The following PACC1 variants were observed in gnomAD, a reference collection of about 807,000 sequenced individuals.
The protein encoded by PACC1 is proton-activated chloride channel.
In PACC1, 34 loss-of-function variants were observed where a neutral mutation model predicts 39.7. That is an observed-to-expected ratio of 0.86 (90% CI 0.65 to 1.14). The LOEUF (loss-of-function observed/expected upper bound fraction) is 1.14. Among genes scored for constraint, PACC1 ranks in the 50% most tolerant of loss-of-function variants. PACC1 has a pLI of 0.00. For synonymous variants in PACC1, 127 were observed against 160.6 expected (o/e 0.79, Z 1.58); for missense variants, 379 against 436.4 (o/e 0.87, Z 1.17).
In PACC1 at chr1:212,387,077, TG is replaced by T; in HGVS notation, c.156del (p.Ser53AlafsTer10). ...ILPGLDSESA[S>X]SSIRFSKACL... Reference sequence around the variant, plus strand: ...CAGGCCTTGCTGAAGCGGATGCTGCTGGAGGCGGACTCGCTGTCCAGGCCTG... The same window carrying T: ...CAGGCCTTGCTGAAGCGGATGCTGCTGAGGCGGACTCGCTGTCCAGGCCTG... On this transcript the variant is annotated frameshift_variant, in exon 3 of 8. Coordinates refer to ENST00000261455, the MANE Select transcript of PACC1 (RefSeq NM_018252.3). LOFTEE classifies it high-confidence loss of function. 6.2e-7 allele frequency: 1 copy of T among 1,614,100 alleles called. No homozygotes were observed. The highest frequency in any genetic ancestry group is 8.5e-7 in the Non-Finnish European group (1 of 1,180,034).
intron 2 of PACC1, among the ~76,000 whole-genome samples, chr1:212,396,678 A>C (rs1175210462): frequency 6.6e-6 from 1 of 151,086 alleles, no homozygotes. Context: ...CAAGAAGCTC[A>C]ATAAACGCCA....
At chr1:212,391,094 T>G (rs1398184764) in intron 2 of PACC1, among the ~76,000 whole-genome samples, 2 of 152,216 alleles carry the variant, frequency 1.3e-5, no homozygotes, top group African/African-American at 2.4e-5. Context: ...AAGAGAGTAG[T>G]GGTTCTCCTA....
chr1:212,364,271 C>T lies in PACC1; in HGVS notation c.*944G>A, dbSNP rs978824855. The T allele has an allele frequency of 2.0e-5, 3 of 152,094 alleles. No individual in the cohort carries two copies. The highest frequency in any genetic ancestry group is 4.8e-5 in the African/African-American group (2 of 41,396). 9.4% of individuals were successfully genotyped at this position (152,094 alleles called of 1,614,324 possible). On this transcript the variant is annotated 3_prime_UTR_variant, in exon 8 of 8. Transcript: ENST00000261455. ...CAGTAAAGAGTTAACCCAGCTTCCTCGGGGACACCAGGTCACTCTTTCTGG... is the reference window on the plus strand; with the variant it reads ...CAGTAAAGAGTTAACCCAGCTTCCTTGGGGACACCAGGTCACTCTTTCTGG...
chr1:212,384,406 G>A (rs1661021187), intron 4 of PACC1, among the ~76,000 whole-genome samples: 1 of 152,124 alleles, frequency 6.6e-6, no homozygotes, highest in Admixed American at 6.5e-5. Context: ...TTTCTCATCT[G>A]GCCATTACTC....
At chr1:212,395,420 G>T (rs1473893343) in intron 2 of PACC1, among the ~76,000 whole-genome samples, 1 of 152,028 alleles carries the variant, frequency 6.6e-6, no homozygotes, top group East Asian at 1.9e-4. Flanking sequence ...TCCTTACACT[G>T]TATACAAAAA....
At chr1:212,408,362 T>C (rs375275643) in intron 2 of PACC1, among the ~76,000 whole-genome samples, 278 of 149,302 alleles carry the variant, frequency 1.9e-3, no homozygotes, top group Middle Eastern at 6.8e-3. Flanking sequence ...TTTTACTTTA[T>C]TTTATTTTTT....
Position 212,365,194 on chromosome 1 carries a change from T to C in PACC1, c.*21A>G. 3 of 1,610,462 alleles carry C rather than the reference T, an allele frequency of 1.9e-6. No homozygotes were observed. The highest frequency in any genetic ancestry group is 2.2e-5 in the South Asian group (2 of 90,770). ...CAGCTCCCATTGATGTGGACAGTTC[T>C]CTAAACAACGCGAGGTGACTTCAGC... On this transcript the variant is annotated 3_prime_UTR_variant, in exon 8 of 8. Coordinates refer to ENST00000261455, the MANE Select transcript of PACC1 (RefSeq NM_018252.3).
intron 2 of PACC1, among the ~76,000 whole-genome samples, chr1:212,395,191 A>T (rs1299084864): frequency 6.6e-6 from 1 of 152,216 alleles, no homozygotes; most frequent in Non-Finnish European, 1.5e-5. Flanking sequence ...AAACTATACT[A>T]CAAAGCAACA....
rs1661129090 is a variant in PACC1 at position 212,387,070 on chromosome 1, A to C, written c.164T>G (p.Ile55Ser). ...GLDSESASSS[I>S]RFSKACLKNV... ...CTTCAGGCAGGCCTTGCTGAAGCGG[A>C]TGCTGCTGGAGGCGGACTCGCTGTC... Residue 55 changes from isoleucine to serine, a missense_variant, in exon 3 of 8, where the codon ATC (isoleucine) becomes AGC (serine). Coordinates refer to ENST00000261455, the MANE Select transcript of PACC1 (RefSeq NM_018252.3). 1 of 1,614,034 alleles carries C rather than the reference A, an allele frequency of 6.2e-7. No homozygotes were observed.
chr1:212,371,606 A>T (rs1404395986), intron 7 of PACC1, among the ~76,000 whole-genome samples: 1 of 151,478 alleles, frequency 6.6e-6, no homozygotes, highest in African/African-American at 2.4e-5. Context: ...ATCTAACATT[A>T]AAAAAAAATT....
intron 1 of PACC1, among the ~76,000 whole-genome samples, chr1:212,412,089 C>T (rs1354668700): frequency 6.6e-6 from 1 of 151,396 alleles, no homozygotes; most frequent in Non-Finnish European, 1.5e-5. Context: ...TGTAGTGAGC[C>T]GAGATCGCAC....
rs1018293343 is a variant in PACC1, at chr1:212,382,932, C to A, written c.495+2342G>T. On this transcript the variant is annotated intron_variant, in intron 4 of 7. Coordinates refer to ENST00000261455, the MANE Select transcript of PACC1 (RefSeq NM_018252.3). ...AGGAGCTTACTTCATGCCAAGAAGG[C>A]GTCTCACCGGTCCCACCCTGCAGGG... is the stretch of plus-strand genomic sequence containing the variant. 2.6e-5 allele frequency among the ~76,000 whole-genome samples: 4 copies of A among 152,314 alleles called. No individual in the cohort carries two copies. The East Asian group carries it at 7.7e-4, about 29-fold the overall frequency.
At chr1:212,381,758 G>A (rs1660900818) in intron 4 of PACC1, among the ~76,000 whole-genome samples, 1 of 51,560 alleles carries the variant, frequency 1.9e-5, no homozygotes, top group Admixed American at 1.8e-4. Context: ...AATGCCCAGG[G>A]GACAGCACAG....
intron 5 of PACC1, among the ~76,000 whole-genome samples, chr1:212,379,661 G>A (rs1050255192): frequency 7.9e-5 from 12 of 152,172 alleles, no homozygotes; most frequent in African/African-American, 2.9e-4. Flanking sequence ...GAACCAGCCA[G>A]CACTATGTGC....
rs1661836012 is a variant in PACC1, at chr1:212,404,527, GC to G, written c.133+5897del. Among the ~76,000 whole-genome samples, 4 of 151,008 alleles carry G rather than the reference GC, an allele frequency of 2.6e-5. No homozygotes were observed. In the South Asian group the frequency reaches 8.4e-4, roughly 32 times the overall value. On this transcript the variant is annotated intron_variant, in intron 2 of 7. Transcript: ENST00000261455. ...TCATCTCCCTCTACTTTGCTCACCA[GC>G]CCTCTGCCCCAACCATACCATGCTA...
In PACC1 at chr1:212,414,869, C is replaced by G. The variant is rs1001099521; in HGVS notation, c.-112G>C. On this transcript the variant is annotated 5_prime_UTR_variant, in exon 1 of 8. Transcript: ENST00000261455. ...CCGGCTCCGCGAGGCGAAACCGGTC[C>G]GGAGGGGCGTCCCAGAGACCAGGCG... is the stretch of plus-strand genomic sequence containing the variant. 2 of 1,402,442 alleles carry G rather than the reference C, an allele frequency of 1.4e-6. No homozygotes were observed. The highest frequency in any genetic ancestry group is 2.9e-5 in the African/African-American group (2 of 69,920). The allele number at this position is 1,402,442 out of a possible 1,614,324, so 86.9% of individuals were successfully genotyped here.
chr1:212,410,281 G>C (rs923366967), intron 2 of PACC1, 144 bp downstream of exon 2: 1 of 750,472 alleles, frequency 1.3e-6, no homozygotes, highest in South Asian at 1.5e-5. Context: ...GGTTAAATAT[G>C]TATGGCTTTA....
chr1:212,406,448 G>A (rs2102539415), intron 2 of PACC1, among the ~76,000 whole-genome samples: 1 of 152,296 alleles, frequency 6.6e-6, no homozygotes, highest in South Asian at 2.1e-4. Flanking sequence ...CTCAGGAGGT[G>A]GTGGTTGCAG....
intron 1 of PACC1, chr1:212,413,955 C>G: frequency 6.5e-7 from 1 of 1,535,708 alleles, no homozygotes; most frequent in Non-Finnish European, 8.7e-7. Flanking sequence ...CAGAAGAGGA[C>G]GGTTGCCAAA....
Sources: allele counts gnomAD v4.1 joint callset (sites outside exome capture counted in the v4.1 genomes callset), GRCh38; gene constraint gnomAD v4.1.1; transcripts MANE v1.5; gene names NCBI Gene and HGNC (gene_info 2026-07-23, HGNC 2026-07-21).